Variants in RORA observed in about 807,000 individuals in gnomAD.
RORA encodes nuclear receptor ROR-alpha.
Under a neutral mutation model 69.5 loss-of-function variants are expected in RORA, and 7 were observed. That is an observed-to-expected ratio of 0.10 (90% CI 0.06 to 0.19). RORA has a LOEUF of 0.19. Ranked by LOEUF, RORA falls within the 10% of genes least tolerant of loss-of-function variation. The pLI is 1.00. For missense variants in RORA, 457 were observed against 663.0 expected, an observed-to-expected ratio of 0.69 and a Z score of 3.41; for synonymous variants, 261 against 240.8, an observed-to-expected ratio of 1.08 and a Z score of -0.78.
chr15:60,596,340 T>C (rs1391675282), intron 2 of RORA, among the ~76,000 whole-genome samples: 1 of 152,034 alleles, frequency 6.6e-6, no homozygotes, highest in Admixed American at 6.6e-5. Flanking sequence ...GCTAATTCAA[T>C]TAATTTTGTT....
At chr15:60,520,311 T>G (rs2066120876) in intron 3 of RORA, 1 of 152,288 alleles carries the variant, frequency 6.6e-6, no homozygotes. Flanking sequence ...TAAACCTCCA[T>G]GACTCAGACG....
chr15:60,942,158 T>A (rs1892718194), intron 1 of RORA, among the ~76,000 whole-genome samples: 1 of 152,172 alleles, frequency 6.6e-6, no homozygotes, highest in South Asian at 2.1e-4. Context: ...CCACAGCTCA[T>A]CATAAACGTA....
intron 1 of RORA, among the ~76,000 whole-genome samples, chr15:61,154,868 TG>T (rs1413700886): frequency 3.9e-5 from 6 of 152,080 alleles, no homozygotes; most frequent in African/African-American, 1.4e-4. Context: ...GGCTGAGAAA[TG>T]GGAAAAACAA....
At chr15:60,573,519 T>C (rs2067942465) in intron 2 of RORA, among the ~76,000 whole-genome samples, 1 of 152,220 alleles carries the variant, frequency 6.6e-6, no homozygotes. Context: ...CTTAAAAATA[T>C]CTGGCAGCCT....
chr15:61,060,689 A>G (rs2078171327), intron 1 of RORA, among the ~76,000 whole-genome samples: 1 of 151,844 alleles, frequency 6.6e-6, no homozygotes, highest in Non-Finnish European at 1.5e-5. Flanking sequence ...CAGCCACCTC[A>G]CTCTTTCTAG....
intron 1 of RORA, among the ~76,000 whole-genome samples, chr15:61,205,421 T>C (rs1596071213): frequency 6.6e-6 from 1 of 152,168 alleles, no homozygotes; most frequent in African/African-American, 2.4e-5. Context: ...CAAGCCACAG[T>C]CGCAGGTTGT....
chr15:60,838,168 C>A (rs1004367122), intron 1 of RORA, among the ~76,000 whole-genome samples: 5 of 152,154 alleles, frequency 3.3e-5, no homozygotes, highest in African/African-American at 1.2e-4. Context: ...CCTTAGACCT[C>A]TATCCTATTG....
intron 1 of RORA, among the ~76,000 whole-genome samples, chr15:60,837,451 A>T (rs2073132773): frequency 6.6e-6 from 1 of 152,240 alleles, no homozygotes; most frequent in African/African-American, 2.4e-5. Flanking sequence ...ATGCGCACGC[A>T]GCACACTGCC....
intron 3 of RORA, among the ~76,000 whole-genome samples, chr15:60,515,988 TA>T (rs1265435276): frequency 0.53 from 11,192 of 20,956 alleles, 2,360 homozygotes; most frequent in Middle Eastern, 0.72. Flanking sequence ...TATTTATATA[TA>T]TTTATATATA....
Position 60,488,395 on chromosome 15 carries a change from T to A in RORA, c.*9060A>T, listed in dbSNP as rs1009885784. On this transcript the variant is annotated 3_prime_UTR_variant, in exon 11 of 11. Transcript: ENST00000335670. Reference sequence around the variant, plus strand: ...GTAATGTAATATTAAAGGTACAGTTTCTAAGTACAATATAACAACATTCAT... The same window carrying A: ...GTAATGTAATATTAAAGGTACAGTTACTAAGTACAATATAACAACATTCAT... The A allele has an allele frequency of 1.1e-4, 17 of 152,206 alleles. No individual in the cohort carries two copies. Among genetic ancestry groups the A allele is most frequent in the Non-Finnish European group, 2.4e-4 (16 of 68,038 alleles). 9.4% of individuals were successfully genotyped at this position (152,206 alleles called of 1,614,324 possible). A position where few individuals can be genotyped will look rare whatever the true frequency, so the allele number is the denominator to read the frequency against.
intron 2 of RORA, chr15:60,598,397 C>T (rs1488780079): frequency 6.6e-6 from 1 of 152,166 alleles, no homozygotes; most frequent in African/African-American, 2.4e-5. Context: ...GAATTTTCTT[C>T]CGCTTCTGCC....
At chr15:60,825,828 G>A (rs1408874475) in intron 1 of RORA, among the ~76,000 whole-genome samples, 1 of 152,306 alleles carries the variant, frequency 6.6e-6, no homozygotes, top group South Asian at 2.1e-4. Context: ...TACCTTGTCT[G>A]ATTATTGGGC....
Position 61,008,143 on chromosome 15 carries a change from A to T in RORA, c.166+220910T>A, listed in dbSNP as rs561881984. The stretch of plus-strand genomic sequence containing the variant: ...TTTAAACTTATGATAAAAAAAATTT[A>T]AATGTCAAATTTTGGATAAACATGT... On this transcript the variant is annotated intron_variant, in intron 1 of 10. Transcript: ENST00000335670. Among the ~76,000 whole-genome samples the T allele has an allele frequency of 2.1e-3, 326 of 152,166 alleles. 4 individuals carry two copies. Among genetic ancestry groups the T allele is most frequent in the African/African-American group, 7.5e-3 (311 of 41,516 alleles).
chr15:61,189,466 G>A (rs1230034067), intron 1 of RORA, among the ~76,000 whole-genome samples: 2 of 152,074 alleles, frequency 1.3e-5, no homozygotes, highest in Non-Finnish European at 2.9e-5. Flanking sequence ...ATGATTCAAA[G>A]GATGGCTGGA....
intron 1 of RORA, among the ~76,000 whole-genome samples, chr15:60,877,482 G>A (rs1595785410): frequency 6.6e-6 from 1 of 152,206 alleles, no homozygotes; most frequent in East Asian, 1.9e-4. Flanking sequence ...TTAAGATAGG[G>A]TGTGAGGCTG....
chr15:60,946,675 C>T (rs960394469), intron 1 of RORA, among the ~76,000 whole-genome samples: 4 of 152,244 alleles, frequency 2.6e-5, no homozygotes, highest in Non-Finnish European at 4.4e-5. Flanking sequence ...ATTGCAGCCT[C>T]TGCCCAGCCG....
chr15:60,773,644 A>T (rs2072112692), intron 1 of RORA, among the ~76,000 whole-genome samples: 1 of 152,228 alleles, frequency 6.6e-6, no homozygotes. Context: ...AGGTAAAGTG[A>T]TGAGACCTAG....
intron 2 of RORA, among the ~76,000 whole-genome samples, chr15:60,577,045 T>A (rs993197327): frequency 6.6e-6 from 1 of 151,800 alleles, no homozygotes; most frequent in Non-Finnish European, 1.5e-5. Context: ...GCTATATTAA[T>A]AAAAAAAACA....
intron 1 of RORA, among the ~76,000 whole-genome samples, chr15:60,693,795 G>A (rs1839793779): frequency 6.6e-6 from 1 of 151,988 alleles, no homozygotes; most frequent in South Asian, 2.1e-4. Context: ...AATAAGAGAG[G>A]ACACAAACAA....
Sources: gnomAD v4.1 joint callset for allele counts (sites outside exome capture counted in the v4.1 genomes callset) on GRCh38, gnomAD v4.1.1 for gene constraint, MANE v1.5 for transcripts, NCBI Gene and HGNC (gene_info 2026-07-23, HGNC 2026-07-21) for gene names.